Variants in MIR17HG observed in about 807,000 individuals in gnomAD.
The protein encoded by MIR17HG is MIR17 host gene (non-protein coding).
intron 1 of MIR17HG, among the ~76,000 whole-genome samples, chr13:91,348,883 G>T (rs1465996038): frequency 6.7e-6 from 1 of 148,750 alleles, no homozygotes; most frequent in Non-Finnish European, 1.5e-5. Flanking sequence ...CGTGCGACGG[G>T]CACCGCGGCC....
chr13:91,349,392 T>G (rs1387841661), intron 1 of MIR17HG, among the ~76,000 whole-genome samples: 4 of 152,028 alleles, frequency 2.6e-5, no homozygotes, highest in Non-Finnish European at 5.9e-5. Context: ...TTTTTTTTTT[T>G]CCTTTTACTG....
At chr13:91,349,143 C>T (rs1875145102) in intron 1 of MIR17HG, among the ~76,000 whole-genome samples, 1 of 152,020 alleles carries the variant, frequency 6.6e-6, no homozygotes, top group African/African-American at 2.4e-5. Flanking sequence ...GGCCCGGGCT[C>T]CATGAGCGTG....
intron 1 of MIR17HG, among the ~76,000 whole-genome samples, chr13:91,348,473 A>G (rs983954826): frequency 1.5e-4 from 22 of 149,354 alleles, no homozygotes; most frequent in Admixed American, 5.3e-4. Flanking sequence ...CCCACGAGGT[A>G]CCTGCGCGCC....
chr13:91,351,704 T>C, intron 3 of MIR17HG: 1 of 216,314 alleles, frequency 4.6e-6, no homozygotes, highest in Non-Finnish European at 9.9e-6. Flanking sequence ...TTGGAGTTAG[T>C]GTTATTCCAG....
exon 4 of MIR17HG, chr13:91,354,422 GAGAC>G (rs1234635187): frequency 6.6e-6 from 1 of 152,216 alleles, no homozygotes; most frequent in Non-Finnish European, 1.5e-5. Context: ...TGTAAACACA[GAGAC>G]AGAACATTGA....
At chr13:91,351,292 AAAGT>A (rs1421450786) in intron 3 of MIR17HG, 1 of 531,534 alleles carries the variant, frequency 1.9e-6, no homozygotes, top group Non-Finnish European at 3.9e-6. Flanking sequence ...AGTCTGTAGA[AAAGT>A]AAGGGAAACT....
chr13:91,353,202 A>T (rs1036293192), intron 3 of MIR17HG, among the ~76,000 whole-genome samples: 2 of 151,570 alleles, frequency 1.3e-5, no homozygotes, highest in African/African-American at 4.8e-5. Context: ...TACACTAGCA[A>T]TTTTTTTAAA....
At chr13:91,348,688 C>G (rs1380579853) in intron 1 of MIR17HG, among the ~76,000 whole-genome samples, 1 of 150,676 alleles carries the variant, frequency 6.6e-6, no homozygotes, top group Non-Finnish European at 1.5e-5. Context: ...GCCTCAGCCG[C>G]GGCGTGGAGC....
At chr13:91,353,109 C>CAA (rs549062236) in intron 3 of MIR17HG, among the ~76,000 whole-genome samples, 34 of 28,862 alleles carry the variant, frequency 1.2e-3, no homozygotes, top group East Asian at 3.8e-3. Flanking sequence ...GACTTAAACG[C>CAA]AAAAAAAAAA....
chr13:91,348,565 G>A (rs1031692883), intron 1 of MIR17HG, among the ~76,000 whole-genome samples: 13 of 151,250 alleles, frequency 8.6e-5, no homozygotes, highest in African/African-American at 2.9e-4. Context: ...CGCCGAGATC[G>A]GCGCGGCCTG....
chr13:91,349,152 T>A (rs1875145652), intron 1 of MIR17HG, among the ~76,000 whole-genome samples: 1 of 151,872 alleles, frequency 6.6e-6, no homozygotes, highest in Admixed American at 6.6e-5. Context: ...TCCATGAGCG[T>A]GGCGGGCACT....
intron 1 of MIR17HG, chr13:91,349,569 ACT>A (rs1232979771): frequency 1.3e-5 from 2 of 152,320 alleles, no homozygotes; most frequent in East Asian, 1.9e-4. Context: ...CTCGACTCTT[ACT>A]CTCACAAATG....
intron 3 of MIR17HG, chr13:91,350,482 G>A (rs1594013591): frequency 2.2e-6 from 1 of 460,510 alleles, no homozygotes; most frequent in South Asian, 1.6e-5. Context: ...TTCCCCATTA[G>A]GGATTATGCT....
intron 3 of MIR17HG, chr13:91,350,766 C>G (rs1875268745): frequency 1.9e-6 from 1 of 534,586 alleles, no homozygotes; most frequent in African/African-American, 1.9e-5. Flanking sequence ...TAAGGTGCAT[C>G]TAGTGCAGAT....
chr13:91,351,818 A>T (rs1160336744), intron 3 of MIR17HG: 1 of 160,552 alleles, frequency 6.2e-6, no homozygotes, highest in Non-Finnish European at 1.4e-5. Context: ...TGTAAAGATG[A>T]GTTTTTTTAA....
At chr13:91,348,411 AGCG>A (rs1053880380) in intron 1 of MIR17HG, among the ~76,000 whole-genome samples, 2 of 146,848 alleles carry the variant, frequency 1.4e-5, no homozygotes, top group African/African-American at 2.5e-5. Flanking sequence ...TCCAGAACAA[AGCG>A]GCGGCGGCGG....
At chr13:91,349,102 C>T (rs1875140039) in intron 1 of MIR17HG, among the ~76,000 whole-genome samples, 2 of 152,004 alleles carry the variant, frequency 1.3e-5, no homozygotes, top group Admixed American at 6.5e-5. Flanking sequence ...AATCGCAGGG[C>T]CGCGCTCCCC....
At chr13:91,349,128 C>T (rs779340102) in intron 1 of MIR17HG, among the ~76,000 whole-genome samples, 13 of 152,054 alleles carry the variant, frequency 8.5e-5, no homozygotes, top group African/African-American at 2.2e-4. Flanking sequence ...GCGACATGTG[C>T]TGCCGGCCCG....
intron 2 of MIR17HG, chr13:91,349,774 A>G (rs1875195347): frequency 6.6e-6 from 1 of 152,178 alleles, no homozygotes; most frequent in South Asian, 2.1e-4. Flanking sequence ...GGAATGGGTA[A>G]GTGTATTCTG....
Sources: allele counts gnomAD v4.1 joint callset (sites outside exome capture counted in the v4.1 genomes callset), GRCh38; gene constraint gnomAD v4.1.1; transcripts MANE v1.5; gene names NCBI Gene and HGNC (gene_info 2026-07-23, HGNC 2026-07-21).